The following FBXO32 variants were observed in gnomAD, a reference collection of about 807,000 sequenced individuals.
FBXO32 encodes F-box protein 32.
In FBXO32, 15 loss-of-function variants were observed where a neutral mutation model predicts 48.3. The observed-to-expected ratio is 0.31, with a 90% CI of 0.21 to 0.48. FBXO32 has a LOEUF of 0.48. FBXO32 is among the 20% of genes least tolerant of loss of function. The pLI, the probability that FBXO32 is intolerant of heterozygous loss-of-function variation, is 0.99. For missense variants in FBXO32, 309 were observed against 432.7 expected (o/e 0.71, Z 2.54); for synonymous variants, 154 against 165.9 (o/e 0.93, Z 0.55).
chr8:123,531,938 G>A lies in FBXO32; in HGVS notation c.332C>T (p.Thr111Ile), dbSNP rs368563446. 1.8e-5 allele frequency: 29 copies of A among 1,614,080 alleles called. No individual in the cohort carries two copies. The highest frequency in any genetic ancestry group is 4.0e-5 in the African/African-American group (3 of 74,924). Residue 111 changes from threonine (T) to isoleucine (I), a missense_variant, in exon 4 of 9, where the codon ACT becomes ATT. Transcript: ENST00000517956. ...AAATCTTCTGGAATCCAGAATGGCA[G>A]TTGAGAAGTCCAGTCTGTTGAAAGC... Reference protein sequence around the residue: ...GEAFNRLDFSTAILDSRRFNY... With the variant: ...GEAFNRLDFSIAILDSRRFNY...
chr8:123,510,846 A>G (rs1816721035), intron 6 of FBXO32, among the ~76,000 whole-genome samples: 1 of 152,256 alleles, frequency 6.6e-6, no homozygotes, highest in African/African-American at 2.4e-5. Context: ...CCATGGACAG[A>G]GACAGAAAAG....
intron 4 of FBXO32, among the ~76,000 whole-genome samples, chr8:123,523,592 A>G (rs1366727071): frequency 1.5e-5 from 2 of 137,370 alleles, no homozygotes; most frequent in African/African-American, 5.5e-5. Context: ...CCGTCTCAAA[A>G]CAAAACAAAC....
At chr8:123,512,337 A>G (rs1406789478) in intron 6 of FBXO32, among the ~76,000 whole-genome samples, 1 of 152,218 alleles carries the variant, frequency 6.6e-6, no homozygotes, top group Admixed American at 6.5e-5. Flanking sequence ...GTTATTTAAA[A>G]GAAGCCAAAG....
rs763427515 is a variant in FBXO32 at position 123,513,396 on chromosome 8, GA to G, written c.467-15del. On this transcript the variant is annotated splice_polypyrimidine_tract_variant and intron_variant, in intron 5 of 8. Coordinates refer to ENST00000517956, the MANE Select transcript of FBXO32 (RefSeq NM_058229.4). This position sits in a 1 kb window ranked among gnomAD's most constrained non-coding sequence, Gnocchi z 4.3. ...GGTCTTCAAGGACTTGAGTAGGGAA[GA>G]AAAAAATAATTAAAGTTATGATACT... 1.2e-5 allele frequency: 19 copies of G among 1,604,960 alleles called. No homozygotes were observed. The highest frequency in any genetic ancestry group is 1.7e-5 in the Admixed American group (1 of 59,208).
chr8:123,511,696 G>A (rs1038189990), intron 6 of FBXO32, among the ~76,000 whole-genome samples: 28 of 152,142 alleles, frequency 1.8e-4, no homozygotes, highest in African/African-American at 6.5e-4. Flanking sequence ...GGCTGGTCTC[G>A]AACTCCTGAC....
Position 123,498,760 on chromosome 8 carries a change from A to G in FBXO32, c.*4613T>C, listed in dbSNP as rs1281871779. ...CTTTTTTTATAACGGCCATTTTTGT[A>G]ATAAAAATGTAAGTACCCAAGGAAG... On this transcript the variant is annotated 3_prime_UTR_variant, in exon 9 of 9. Coordinates refer to ENST00000517956, the MANE Select transcript of FBXO32 (RefSeq NM_058229.4). The G allele has an allele frequency of 6.6e-6, 1 of 152,150 alleles. No individual in the cohort carries two copies. The highest frequency in any genetic ancestry group is 1.5e-5 in the Non-Finnish European group (1 of 68,036). The allele number at this position is 152,150 out of a possible 1,614,324, so 9.4% of individuals were successfully genotyped here. A position where few individuals can be genotyped will look rare whatever the true frequency, so the allele number is the denominator to read the frequency against.
rs926157104 is a variant in FBXO32 at position 123,538,709 on chromosome 8, G to A, written c.116+2190C>T. ...GGAGGCTACCAAATGATTCCTAAAC[G>A]CTGACTCAAAGGACCACAGGTGGTC... On this transcript the variant is annotated intron_variant, in intron 1 of 8. Transcript: ENST00000517956. Among the ~76,000 whole-genome samples the A allele has an allele frequency of 3.9e-5, 6 of 152,126 alleles. No individual in the cohort carries two copies. In the East Asian group the frequency reaches 5.8e-4, roughly 15 times the overall value.
chr8:123,501,014 A>G lies in FBXO32; in HGVS notation c.*2359T>C, dbSNP rs1487820506. 2 of 152,194 alleles carry G rather than the reference A, an allele frequency of 1.3e-5. No individual in the cohort carries two copies. The highest frequency in any genetic ancestry group is 2.9e-5 in the Non-Finnish European group (2 of 68,042). 9.4% of individuals were successfully genotyped at this position (152,194 alleles called of 1,614,324 possible). A position where few individuals can be genotyped will look rare whatever the true frequency, so the allele number is the denominator to read the frequency against. On this transcript the variant is annotated 3_prime_UTR_variant, in exon 9 of 9. Transcript: ENST00000517956. ...ATCATGTGCACTGCTGACAGTCTAA[A>G]TGACACCAGTGTCCCAGTTTTGTGC...
chr8:123,522,618 C>T (rs74869874), intron 4 of FBXO32, among the ~76,000 whole-genome samples: 1,776 of 152,290 alleles, frequency 0.012, 39 homozygotes, highest in African/African-American at 0.041. Flanking sequence ...ATTCCAGCAA[C>T]TGTCACCTCT....
rs1018006885 is a variant in FBXO32, at chr8:123,502,078, G to T, written c.*1295C>A. The T allele has an allele frequency of 3.9e-5, 6 of 152,152 alleles. No homozygotes were observed. Among genetic ancestry groups the T allele is most frequent in the African/African-American group, 1.4e-4 (6 of 41,418 alleles). 9.4% of individuals were successfully genotyped at this position (152,152 alleles called of 1,614,324 possible). ...CTACCCAGCCCGGAAGCAAGTTTAA[G>T]ATGAACTTGTGGTACCTCTCCTCCC... On this transcript the variant is annotated 3_prime_UTR_variant, in exon 9 of 9. Coordinates refer to ENST00000517956, the MANE Select transcript of FBXO32 (RefSeq NM_058229.4).
chr8:123,522,005 T>C (rs1816965854), intron 4 of FBXO32, among the ~76,000 whole-genome samples: 1 of 152,142 alleles, frequency 6.6e-6, no homozygotes, highest in Non-Finnish European at 1.5e-5. Context: ...GCTTGAACAC[T>C]GACAGGTTGA....
intron 1 of FBXO32, among the ~76,000 whole-genome samples, chr8:123,537,762 T>C (rs1817336708): frequency 6.6e-6 from 1 of 152,192 alleles, no homozygotes; most frequent in Non-Finnish European, 1.5e-5. Flanking sequence ...CATAAAATCT[T>C]AACTATTATT....
In FBXO32 at chr8:123,533,192, T is replaced by C. The variant is rs758687829; in HGVS notation, c.278A>G (p.Glu93Gly). The change falls in exon 3 of 9, where the codon GAG (glutamate) becomes GGG (glycine). Residue 93 changes from glutamate to glycine, a missense_variant and splice_region_variant. By Grantham distance (98) the Glu-to-Gly change is moderately conservative (BLOSUM62 -2). Transcript: ENST00000517956. ...WIYVHKGSTK[E>G]RHGYCTLGEA... ...TTAGTAAATGAATGGGATGCTCACC[T>C]CTTTAGTACTTCCTTTGTGAACATA... 6.2e-7 allele frequency: 1 copy of C among 1,611,570 alleles called. No individual in the cohort carries two copies.
At position 123,503,339 on chromosome 8, in the gene FBXO32, G is replaced by C. The variant is rs968363033; in HGVS notation, c.*34C>G. 1 of 1,568,956 alleles carries C rather than the reference G, an allele frequency of 6.4e-7. No homozygotes were observed. The highest frequency in any genetic ancestry group is 8.8e-7 in the Non-Finnish European group (1 of 1,139,208). On this transcript the variant is annotated 3_prime_UTR_variant, in exon 9 of 9. Transcript: ENST00000517956. ...TATTCCCAGCTCTCCAGTCAGCAGG[G>C]GGACCCTTCTGAAGTGTTGTCATGT...
chr8:123,531,775 C>T, intron 4 of FBXO32, 123 bp downstream of exon 4: 2 of 1,171,302 alleles, frequency 1.7e-6, no homozygotes, highest in Admixed American at 5.4e-5. Context: ...CTGTTTTCTG[C>T]TTGCCTCAAA....
chr8:123,530,292 G>A (rs1347281735), intron 4 of FBXO32, among the ~76,000 whole-genome samples: 1 of 152,042 alleles, frequency 6.6e-6, no homozygotes, highest in Non-Finnish European at 1.5e-5. Flanking sequence ...AAGGATCCAG[G>A]CCTCAAGGGG....
At chr8:123,520,085 G>A (rs1816920523) in intron 4 of FBXO32, among the ~76,000 whole-genome samples, 1 of 152,210 alleles carries the variant, frequency 6.6e-6, no homozygotes, top group Admixed American at 6.5e-5. Flanking sequence ...ATCGCGCACA[G>A]CCCAAATTTA....
chr8:123,522,011 G>A (rs757797382), intron 4 of FBXO32, among the ~76,000 whole-genome samples: 1 of 152,108 alleles, frequency 6.6e-6, no homozygotes, highest in Non-Finnish European at 1.5e-5. Context: ...ACACTGACAG[G>A]TTGAAAGAGA....
chr8:123,498,215 A>G lies in FBXO32; in HGVS notation c.*5158T>C, dbSNP rs528042429. ...TGGCACTTGGTAGAATAAAGATGGC[A>G]CCAAGGATTCCCAAGTATAGAATAC... On this transcript the variant is annotated 3_prime_UTR_variant, in exon 9 of 9. Coordinates refer to ENST00000517956, the MANE Select transcript of FBXO32 (RefSeq NM_058229.4). 70 of 152,354 alleles carry G rather than the reference A, an allele frequency of 4.6e-4. No individual in the cohort carries two copies. The highest frequency in any genetic ancestry group is 1.6e-3 in the African/African-American group (67 of 41,586). The allele number at this position is 152,354 out of a possible 1,614,324, so 9.4% of individuals were successfully genotyped here.
Sources: gnomAD v4.1 joint callset for allele counts (sites outside exome capture counted in the v4.1 genomes callset) on GRCh38, gnomAD v4.1.1 for gene constraint, Gnocchi (gnomAD v3.1) non-coding constraint, MANE v1.5 for transcripts, NCBI Gene and HGNC (gene_info 2026-07-23, HGNC 2026-07-21) for gene names.